The following AP4E1 variants were observed in gnomAD, a reference collection of about 807,000 sequenced individuals.
AP4E1 encodes AP-4 complex subunit epsilon-1.
A neutral mutation model predicts 128.2 loss-of-function variants in AP4E1; 56 were observed. The observed-to-expected ratio is 0.44, with a 90% CI of 0.35 to 0.55. The LOEUF (loss-of-function observed/expected upper bound fraction) is 0.55, where lower values mean the gene tolerates loss of function less well. AP4E1 is among the 20% of genes least tolerant of loss of function. The pLI is 0.00. For missense variants in AP4E1, 1,324 were observed against 1,307.7 expected (o/e 1.01, Z -0.19); for synonymous variants, 484 against 473.1 (o/e 1.02, Z -0.30).
rs745944079 is a variant in AP4E1 at position 51,001,074 on chromosome 15, C to T, written c.3144C>T (p.Phe1048=). Residue 1048 remains phenylalanine (F), a synonymous_variant, in exon 20 of 21, where the codon TTC becomes TTT. Transcript: ENST00000261842. ...SDDFGKLWLS[F]ANDVKQNVKM... The stretch of plus-strand genomic sequence containing the variant: ...ACTTTGGGAAACTCTGGTTATCCTT[C>T]GCAAATGATGTGAAACAAAATGTAA... 6.2e-6 allele frequency: 10 copies of T among 1,613,302 alleles called. No homozygotes were observed. The East Asian group carries it at 8.9e-5, about 14-fold the overall frequency.
Position 50,931,439 on chromosome 15 carries a change from G to A in AP4E1, c.869+468G>A, listed in dbSNP as rs545736392. ...AAATTAGTTGGGCACAGTGGCGCGC[G>A]CCTGTAATCCTAGCTACTCGGGAGG... On this transcript the variant is annotated intron_variant, in intron 7 of 20. Transcript: ENST00000261842. Among the ~76,000 whole-genome samples, 85 of 152,176 alleles carry A rather than the reference G, an allele frequency of 5.6e-4. 1 individual carries two copies. The highest frequency in any genetic ancestry group is 1.6e-3 in the African/African-American group (68 of 41,514).
chr15:50,911,331 T>A (rs12441752), intron 1 of AP4E1, among the ~76,000 whole-genome samples: 3 of 152,274 alleles, frequency 2.0e-5, no homozygotes, highest in African/African-American at 7.2e-5. Context: ...AAGAATGTAG[T>A]TTAAGGGAAA....
At chr15:51,000,384 G>C (rs376566495) in intron 19 of AP4E1, among the ~76,000 whole-genome samples, 6 of 152,166 alleles carry the variant, frequency 3.9e-5, no homozygotes, top group South Asian at 4.1e-4. Context: ...CAAGCGATCT[G>C]TCTGCCTCGG....
chr15:50,944,753 C>A, intron 10 of AP4E1: 1 of 595,752 alleles, frequency 1.7e-6, no homozygotes, highest in Non-Finnish European at 3.1e-6. Flanking sequence ...ATGATCCTAC[C>A]TTACATCCTT....
intron 4 of AP4E1, 58 bp from the exon 5 acceptor site, chr15:50,925,040 T>C: frequency 6.2e-7 from 1 of 1,605,696 alleles, no homozygotes; most frequent in East Asian, 2.2e-5. Context: ...GTGTTGAATT[T>C]GCCATTCCTA....
intron 5 of AP4E1, among the ~76,000 whole-genome samples, chr15:50,928,277 G>GT (rs938509253): frequency 6.6e-6 from 1 of 151,806 alleles, no homozygotes; most frequent in Non-Finnish European, 1.5e-5. Flanking sequence ...ATGTTAACGA[G>GT]TTTTTTTTCT....
At chr15:50,934,030 T>C (rs1020909893) in intron 7 of AP4E1, among the ~76,000 whole-genome samples, 31 of 151,644 alleles carry the variant, frequency 2.0e-4, no homozygotes, top group Non-Finnish European at 4.0e-4. Flanking sequence ...ACTAATGCAC[T>C]TTTTTTTTCC....
intron 17 of AP4E1, among the ~76,000 whole-genome samples, chr15:50,996,096 C>A (rs779267615): frequency 2.1e-5 from 3 of 141,538 alleles, no homozygotes; most frequent in Non-Finnish European, 4.5e-5. Context: ...TCAAGCAATT[C>A]TCCTGCCTCA....
intron 10 of AP4E1, chr15:50,945,540 T>G: frequency 2.7e-6 from 2 of 740,960 alleles, no homozygotes; most frequent in Non-Finnish European, 5.0e-6. Context: ...ACCCTCCCAC[T>G]GGGAAAGAGC....
At chr15:50,955,751 G>A (rs2064214704) in intron 13 of AP4E1, among the ~76,000 whole-genome samples, 1 of 152,160 alleles carries the variant, frequency 6.6e-6, no homozygotes, top group East Asian at 1.9e-4. Flanking sequence ...AGGGGAGTAG[G>A]CCTCTCTACA....
At chr15:50,933,341 A>G (rs920880491) in intron 7 of AP4E1, among the ~76,000 whole-genome samples, 4 of 152,186 alleles carry the variant, frequency 2.6e-5, no homozygotes, top group Non-Finnish European at 5.9e-5. Flanking sequence ...CGGATTCTAA[A>G]GTATTTAATT....
intron 8 of AP4E1, among the ~76,000 whole-genome samples, chr15:50,937,258 C>T (rs1210727511): frequency 6.6e-6 from 1 of 152,140 alleles, no homozygotes; most frequent in African/African-American, 2.4e-5. Flanking sequence ...GTAGCTGGTA[C>T]TGTGTTAATG....
chr15:50,948,224 G>C, intron 11 of AP4E1, 65 bp downstream of exon 11: 1 of 1,579,552 alleles, frequency 6.3e-7, no homozygotes, highest in African/African-American at 1.3e-5. Flanking sequence ...AAGATGATTG[G>C]TATAGATATG....
chr15:50,984,672 G>A (rs1332999381), intron 16 of AP4E1, among the ~76,000 whole-genome samples: 3 of 152,054 alleles, frequency 2.0e-5, no homozygotes, highest in Non-Finnish European at 2.9e-5. Context: ...ATTCCATGGT[G>A]TATATGTGCC....
chr15:50,919,978 G>A (rs2063676865), intron 3 of AP4E1, among the ~76,000 whole-genome samples: 1 of 151,058 alleles, frequency 6.6e-6, no homozygotes, highest in Admixed American at 6.6e-5. Flanking sequence ...TTGGGAGGCT[G>A]GGGTCAGAGG....
At position 50,949,877 on chromosome 15, in the gene AP4E1, A is replaced by G; in HGVS notation, c.1368A>G (p.Ser456=). 6.2e-7 allele frequency: 1 copy of G among 1,613,864 alleles called. No individual in the cohort carries two copies. The highest frequency in any genetic ancestry group is 8.5e-7 in the Non-Finnish European group (1 of 1,179,856). Residue 456 remains serine, a synonymous_variant, in exon 12 of 21, where the codon TCA becomes TCG. Transcript: ENST00000261842. ...TTCAGACAATGAATGCTGTGTTTTC[A>G]GTAGGAGGAGATGTAATGCATCCTG... ...WFIQTMNAVF[S]VGGDVMHPDI...
intron 14 of AP4E1, among the ~76,000 whole-genome samples, chr15:50,961,926 A>T (rs1431441382): frequency 6.6e-6 from 1 of 152,014 alleles, no homozygotes; most frequent in African/African-American, 2.4e-5. Context: ...AAAAATCAAC[A>T]TACAAAAATC....
At position 50,993,481 on chromosome 15, in the gene AP4E1, A is replaced by G. The variant is rs763401529; in HGVS notation, c.2202A>G (p.Gln734=). The G allele has an allele frequency of 2.5e-6, 4 of 1,613,906 alleles. No homozygotes were observed. The highest frequency in any genetic ancestry group is 4.5e-5 in the East Asian group (2 of 44,840). ...GDESGALPVP[Q]ESIMENVDQA... The stretch of plus-strand genomic sequence containing the variant: ...AAAGTGGAGCTCTGCCTGTTCCTCA[A>G]GAGAGTATAATGGAGAATGTAGATC... The change falls in exon 17 of 21, where the codon CAA becomes CAG. Residue 734 remains glutamine, a synonymous_variant. Transcript: ENST00000261842.
At chr15:50,945,798 G>A (rs2064053577) in intron 10 of AP4E1, 1 of 761,660 alleles carries the variant, frequency 1.3e-6, no homozygotes, top group Admixed American at 2.0e-5. Context: ...AATTGAAGGA[G>A]AAATTTCAGC....
Sources: gnomAD v4.1 joint callset for allele counts (sites outside exome capture counted in the v4.1 genomes callset) on GRCh38, gnomAD v4.1.1 for gene constraint, MANE v1.5 for transcripts, NCBI Gene and HGNC (gene_info 2026-07-23, HGNC 2026-07-21) for gene names.